SLC45A2: variants seen among roughly 807,000 people sequenced by gnomAD.
SLC45A2 encodes the protein solute carrier family 45 member 2, also known as membrane-associated transporter protein.
A neutral mutation model predicts 45.5 loss-of-function variants in SLC45A2; 36 were observed. The ratio of observed to expected loss-of-function variants is 0.79; its 90% confidence interval spans 0.61 to 1.04. SLC45A2 has a LOEUF of 1.04. SLC45A2 is among the 50% of genes least tolerant of loss of function. The pLI is 0.00. For missense variants in SLC45A2, 719 were observed against 671.0 expected (o/e 1.07, Z -0.79); for synonymous variants, 306 against 269.3 (o/e 1.14, Z -1.33).
intron 5 of SLC45A2, among the ~76,000 whole-genome samples, chr5:33,949,486 C>T (rs1268262925): frequency 1.3e-5 from 2 of 152,134 alleles, no homozygotes; most frequent in Admixed American, 1.3e-4. Context: ...ATGAGAAAGT[C>T]TGCATAGTGG....
chr5:33,946,845 T>C (rs1272735340), intron 6 of SLC45A2: 4 of 1,310,532 alleles, frequency 3.1e-6, no homozygotes, highest in African/African-American at 3.0e-5. Flanking sequence ...TCCCCCTTTT[T>C]TTGTCTTTGT....
At chr5:33,960,144 G>A (rs1351196621) in intron 3 of SLC45A2, among the ~76,000 whole-genome samples, 1 of 152,094 alleles carries the variant, frequency 6.6e-6, no homozygotes, top group Non-Finnish European at 1.5e-5. Context: ...TCTACTTTCA[G>A]TTCTTTCAGG....
chr5:33,953,217 G>C (rs1480595208), intron 4 of SLC45A2, among the ~76,000 whole-genome samples: 3 of 144,690 alleles, frequency 2.1e-5, no homozygotes, highest in African/African-American at 7.7e-5. Context: ...CCCAGTAATG[G>C]GATGGCTGGG....
At chr5:33,966,654 C>CA (rs889082553) in intron 2 of SLC45A2, among the ~76,000 whole-genome samples, 5 of 152,006 alleles carry the variant, frequency 3.3e-5, no homozygotes, top group African/African-American at 1.2e-4. Context: ...GCTGGGTACT[C>CA]AGAGTACAGA....
intron 5 of SLC45A2, among the ~76,000 whole-genome samples, chr5:33,947,669 G>A (rs1330299871): frequency 2.6e-5 from 4 of 152,206 alleles, no homozygotes; most frequent in Admixed American, 6.5e-5. Flanking sequence ...GAGAAAGGTG[G>A]TGGAAAATCT....
intron 2 of SLC45A2, among the ~76,000 whole-genome samples, chr5:33,969,570 T>C (rs1004776584): frequency 2.6e-4 from 40 of 152,238 alleles, no homozygotes; most frequent in African/African-American, 9.4e-4. Flanking sequence ...AAGAATGGTT[T>C]GTCTTGCTTC....
chr5:33,984,608 G>A lies in SLC45A2; in HGVS notation c.-25C>T. 1 of 1,605,800 alleles carries A rather than the reference G, an allele frequency of 6.2e-7. No homozygotes were observed. Among genetic ancestry groups the A allele is most frequent in the Non-Finnish European group, 8.5e-7 (1 of 1,179,974 alleles). On this transcript the variant is annotated 5_prime_UTR_variant, in exon 1 of 7. Coordinates refer to ENST00000296589, the MANE Select transcript of SLC45A2 (RefSeq NM_016180.5). ...TGGCCACTGGGAGAGGAACCTTCCT[G>A]CGAGCCCACCACCTCCTGCGTGGTC...
intron 2 of SLC45A2, among the ~76,000 whole-genome samples, chr5:33,973,055 T>C (rs994192933): frequency 2.0e-5 from 3 of 152,160 alleles, no homozygotes; most frequent in South Asian, 2.1e-4. Flanking sequence ...CAAGTAATGA[T>C]GGGTACCTCT....
At chr5:33,969,063 C>CTG (rs1400585496) in intron 2 of SLC45A2, among the ~76,000 whole-genome samples, 6 of 62,766 alleles carry the variant, frequency 9.6e-5, no homozygotes, top group African/African-American at 2.8e-4. Flanking sequence ...CTCTCTCTCT[C>CTG]TCTGTGTGTG....
intron 2 of SLC45A2, among the ~76,000 whole-genome samples, chr5:33,969,061 C>CTGTGTG (rs1462072174): frequency 2.3e-5 from 2 of 87,318 alleles, no homozygotes; most frequent in Middle Eastern, 4.5e-3. Context: ...CTCTCTCTCT[C>CTGTGTG]TCTCTGTGTG....
chr5:33,967,666 GT>G (rs895265806), intron 2 of SLC45A2, among the ~76,000 whole-genome samples: 44 of 152,082 alleles, frequency 2.9e-4, no homozygotes, highest in African/African-American at 9.9e-4. Context: ...TAGGGTTTTT[GT>G]TGCCTGGTAG....
chr5:33,965,836 A>T (rs572084205), intron 2 of SLC45A2, among the ~76,000 whole-genome samples: 13 of 152,318 alleles, frequency 8.5e-5, no homozygotes, highest in African/African-American at 3.1e-4. Flanking sequence ...CATTACGACA[A>T]CCAAAAATGT....
At chr5:33,963,249 G>A (rs192591109) in intron 3 of SLC45A2, among the ~76,000 whole-genome samples, 11 of 152,220 alleles carry the variant, frequency 7.2e-5, no homozygotes, top group Admixed American at 2.6e-4. Context: ...TGTGCAGTTC[G>A]CTGAAAATGA....
In SLC45A2 at chr5:33,944,832, C is replaced by T. The variant is rs1415985437; in HGVS notation, c.1409G>A (p.Arg470Lys). 2 of 1,613,936 alleles carry T rather than the reference C, an allele frequency of 1.2e-6. No homozygotes were observed. The highest frequency in any genetic ancestry group is 1.7e-6 in the Non-Finnish European group (2 of 1,179,958). ...GGTGGCGCAGTCCATGCCCTTCCCT[C>T]TCACGCTGTTGTCTGGGTCCCCTCC... The part of the protein sequence containing the change: ...APGGDPDNSV[R>K]GKGMDCATLT... Residue 470 changes from arginine (R) to lysine (K), a missense_variant, in exon 7 of 7, where the codon AGA becomes AAA. By Grantham distance (26) the Arg-to-Lys change is conservative. Transcript: ENST00000296589.
intron 1 of SLC45A2, among the ~76,000 whole-genome samples, chr5:33,983,684 T>A (rs1753147309): frequency 6.6e-6 from 1 of 152,238 alleles, no homozygotes; most frequent in Non-Finnish European, 1.5e-5. Flanking sequence ...GGTTTGCTTT[T>A]GTCCAGAATT....
intron 3 of SLC45A2, among the ~76,000 whole-genome samples, chr5:33,959,832 G>A (rs1000018468): frequency 6.6e-6 from 1 of 152,072 alleles, no homozygotes; most frequent in African/African-American, 2.4e-5. Flanking sequence ...TTGGAAAAAT[G>A]CTAAGCAAAT....
chr5:33,983,080 C>T (rs1444751930), intron 1 of SLC45A2, among the ~76,000 whole-genome samples: 1 of 152,152 alleles, frequency 6.6e-6, no homozygotes, highest in Non-Finnish European at 1.5e-5. Context: ...CTGAAGGGGG[C>T]CCGAGAAACT....
chr5:33,984,115 G>C, intron 1 of SLC45A2, 84 bp downstream of exon 1: 1 of 1,582,862 alleles, frequency 6.3e-7, no homozygotes, highest in Non-Finnish European at 8.6e-7. Flanking sequence ...TCTAGGAAAG[G>C]TCAAACACAT....
intron 5 of SLC45A2, among the ~76,000 whole-genome samples, chr5:33,950,193 A>C (rs1235659711): frequency 6.6e-6 from 1 of 152,102 alleles, no homozygotes; most frequent in Admixed American, 6.6e-5. Context: ...TTGTCTTAAA[A>C]AAAGAAGAAA....
Sources: allele counts gnomAD v4.1 joint callset (sites outside exome capture counted in the v4.1 genomes callset), GRCh38; gene constraint gnomAD v4.1.1; transcripts MANE v1.5; gene names NCBI Gene and HGNC (gene_info 2026-07-23, HGNC 2026-07-21).